Variants in LPA observed in about 807,000 individuals in gnomAD.
LPA encodes lipoprotein(a).
Under a neutral mutation model 197.9 loss-of-function variants are expected in LPA, and 199 were observed. That is an observed-to-expected ratio of 1.01 (90% CI 0.90 to 1.13). LPA has a LOEUF of 1.13. Among genes scored for constraint, LPA ranks in the 50% most tolerant of loss-of-function variants. LPA has a pLI of 0.00. For missense variants in LPA, 1,853 were observed against 1,785.8 expected, an observed-to-expected ratio of 1.04 and a Z score of -0.68; for synonymous variants, 715 against 639.5, an observed-to-expected ratio of 1.12 and a Z score of -1.78.
chr6:160,574,089 G>A (rs761920334), intron 28 of LPA, among the ~76,000 whole-genome samples: 1 of 152,058 alleles, frequency 6.6e-6, no homozygotes, highest in Non-Finnish European at 1.5e-5. Context: ...TGTATGGTGT[G>A]GGGGTGAAGT....
chr6:160,532,248 T>C (rs1777818666), intron 38 of LPA, among the ~76,000 whole-genome samples: 1 of 152,196 alleles, frequency 6.6e-6, no homozygotes, highest in African/African-American at 2.4e-5. Context: ...AAGCCACCAC[T>C]TCAGTCACTG....
chr6:160,648,286 C>T (rs1231793455), intron 2 of LPA, among the ~76,000 whole-genome samples: 1 of 152,044 alleles, frequency 6.6e-6, no homozygotes. Flanking sequence ...TATGTCTTTG[C>T]CCTCTGACAG....
In LPA at chr6:160,531,760, G is replaced by T. The variant is rs114322360; in HGVS notation, c.6092C>A (p.Thr2031Asn). ...ATTTCTCATCATTCCCTCAATCCAA[G>T]TAACAAACCTTGAAACACGAGCATA... ...GVYARVSRFV[T>N]WIEGMMRNN Residue 2031 changes from threonine (T) to asparagine (N), a missense_variant, in exon 39 of 39, where the codon ACT becomes AAT. Physicochemically the swap from Thr to Asn is moderately conservative, Grantham distance 65 (BLOSUM62 0). Transcript: ENST00000316300. 2,518 of 1,614,018 alleles carry T rather than the reference G, an allele frequency of 1.6e-3. 39 individuals carry two copies. The African/African-American group carries it at 0.028, about 18-fold the overall frequency.
chr6:160,647,912 T>G (rs1351245646), intron 2 of LPA, among the ~76,000 whole-genome samples: 3 of 152,240 alleles, frequency 2.0e-5, no homozygotes, highest in Admixed American at 2.0e-4. Context: ...ATTGCTAGGT[T>G]CTTCATTATA....
intron 37 of LPA, among the ~76,000 whole-genome samples, chr6:160,534,662 G>A (rs371912769): frequency 6.6e-6 from 1 of 152,234 alleles, no homozygotes; most frequent in Non-Finnish European, 1.5e-5. Context: ...TTATTAACAT[G>A]TAGAAAGTTG....
At chr6:160,598,229 T>A (rs1251394466) in intron 20 of LPA, among the ~76,000 whole-genome samples, 1 of 152,228 alleles carries the variant, frequency 6.6e-6, no homozygotes, top group African/African-American at 2.4e-5. Context: ...CATATTTTCT[T>A]GTGGAAAATC....
intron 22 of LPA, among the ~76,000 whole-genome samples, chr6:160,592,022 C>T (rs1779039915): frequency 6.6e-6 from 1 of 152,128 alleles, no homozygotes; most frequent in Admixed American, 6.6e-5. Flanking sequence ...AAATCTATAC[C>T]TGAGTCATTG....
intron 28 of LPA, among the ~76,000 whole-genome samples, chr6:160,569,217 C>T (rs901299761): frequency 6.6e-6 from 1 of 152,178 alleles, no homozygotes; most frequent in Non-Finnish European, 1.5e-5. Context: ...CATCACTCTG[C>T]CTGACTTCAA....
At chr6:160,662,579 C>T (rs1297548343) in intron 1 of LPA, among the ~76,000 whole-genome samples, 1 of 152,118 alleles carries the variant, frequency 6.6e-6, no homozygotes, top group Non-Finnish European at 1.5e-5. Context: ...TGGGTGTAGC[C>T]TGCTGAATAA....
At position 160,652,945 on chromosome 6, in the gene LPA, T is replaced by A. The variant is rs182585912; in HGVS notation, c.50-2448A>T. Reference sequence around the variant, plus strand: ...GTAAGTCGTGGAGATAAACTCAATATAAATGAAGGCAGAAAAATATGAAAA... The same window carrying A: ...GTAAGTCGTGGAGATAAACTCAATAAAAATGAAGGCAGAAAAATATGAAAA... On this transcript the variant is annotated intron_variant, in intron 1 of 38. Transcript: ENST00000316300. Among the ~76,000 whole-genome samples, 436 of 152,120 alleles carry A rather than the reference T, an allele frequency of 2.9e-3. 2 individuals carry two copies. Among genetic ancestry groups the A allele is most frequent in the Non-Finnish European group, 3.7e-3 (251 of 67,956 alleles).
chr6:160,597,773 G>C (rs1171985260), intron 20 of LPA, among the ~76,000 whole-genome samples: 1 of 152,060 alleles, frequency 6.6e-6, no homozygotes, highest in Non-Finnish European at 1.5e-5. Flanking sequence ...ATCATTCCTG[G>C]TTCTATTTTT....
In LPA at chr6:160,531,735, A is replaced by G. The variant is rs778895295; in HGVS notation, c.6117T>C (p.Asn2039=). 19 of 1,613,892 alleles carry G rather than the reference A, an allele frequency of 1.2e-5. No individual in the cohort carries two copies. The highest frequency in any genetic ancestry group is 1.6e-5 in the Non-Finnish European group (19 of 1,179,974). ...FVTWIEGMMR[N]N is the part of the protein sequence containing the mutation. ...CACTCTGTCTCCCGTCCAATTAATTATTTCTCATCATTCCCTCAATCCAAG... is the reference window on the plus strand; with the variant it reads ...CACTCTGTCTCCCGTCCAATTAATTGTTTCTCATCATTCCCTCAATCCAAG... Residue 2039 remains asparagine, a synonymous_variant, in exon 39 of 39, where the codon AAT becomes AAC. Coordinates refer to ENST00000316300, the MANE Select transcript of LPA (RefSeq NM_005577.4).
chr6:160,560,637 T>G (rs925309376), intron 28 of LPA, among the ~76,000 whole-genome samples: 2 of 149,588 alleles, frequency 1.3e-5, no homozygotes, highest in African/African-American at 4.9e-5. Context: ...GATGGGGTTG[T>G]TTTTTTTTTC....
intron 22 of LPA, among the ~76,000 whole-genome samples, chr6:160,593,484 C>A (rs116222350): frequency 8.6e-4 from 131 of 152,248 alleles, no homozygotes; most frequent in African/African-American, 2.9e-3. Context: ...TCTTCAGATA[C>A]CTTGTTCTCA....
intron 36 of LPA, among the ~76,000 whole-genome samples, chr6:160,539,459 T>G (rs1777944311): frequency 6.6e-6 from 1 of 151,526 alleles, no homozygotes; most frequent in Non-Finnish European, 1.5e-5. Context: ...TTTTTTTTTT[T>G]GACATTGTGG....
chr6:160,573,561 A>C (rs1269922518), intron 28 of LPA, among the ~76,000 whole-genome samples: 4 of 152,184 alleles, frequency 2.6e-5, no homozygotes, highest in Non-Finnish European at 5.9e-5. Flanking sequence ...AGACTGTGTC[A>C]GAGGGAAGGT....
chr6:160,603,873 G>A (rs543915597), intron 18 of LPA, among the ~76,000 whole-genome samples: 3 of 152,250 alleles, frequency 2.0e-5, no homozygotes, highest in African/African-American at 4.8e-5. Flanking sequence ...TACTCCTAAA[G>A]TATGACTTTT....
At chr6:160,648,411 T>A (rs1485988376) in intron 2 of LPA, among the ~76,000 whole-genome samples, 1 of 152,168 alleles carries the variant, frequency 6.6e-6, no homozygotes, top group Non-Finnish European at 1.5e-5. Flanking sequence ...TTTGGAAAAT[T>A]TTCAGCCATC....
At position 160,535,690 on chromosome 6, in the gene LPA, G is replaced by A. The variant is rs77992356; in HGVS notation, c.5842+2165C>T. On this transcript the variant is annotated intron_variant, in intron 37 of 38. Coordinates refer to ENST00000316300, the MANE Select transcript of LPA (RefSeq NM_005577.4). ...TAAGAATGATGATAGTGGTGGCGAT[G>A]ATGTTGATGGGGATGATGGTGGTAG... is the stretch of plus-strand genomic sequence containing the variant. Among the ~76,000 whole-genome samples, 248 of 152,192 alleles carry A rather than the reference G, an allele frequency of 1.6e-3. 4 individuals carry two copies. In the East Asian group the frequency reaches 0.04, roughly 25 times the overall value.
Sources: allele counts gnomAD v4.1 joint callset (sites outside exome capture counted in the v4.1 genomes callset), GRCh38; gene constraint gnomAD v4.1.1; transcripts MANE v1.5; gene names NCBI Gene and HGNC (gene_info 2026-07-23, HGNC 2026-07-21).